PGM5: variants seen among roughly 807,000 people sequenced by gnomAD.
PGM5 encodes the protein phosphoglucomutase 5, also known as phosphoglucomutase-like protein 5.
PGM5 carries 23 observed loss-of-function variants against 59.2 expected under a neutral mutation model. The ratio of observed to expected loss-of-function variants is 0.39; its 90% CI spans 0.28 to 0.55. PGM5 has a LOEUF of 0.55. Among genes scored for constraint, PGM5 ranks in the 20% least tolerant of loss-of-function variants. The pLI, the probability that PGM5 is intolerant of heterozygous loss-of-function variation, is 0.66. For synonymous variants in PGM5, 214 were observed against 286.0 expected (o/e 0.75, Z 2.54); for missense variants, 574 against 748.3 (o/e 0.77, Z 2.72).
chr9:68,410,896 C>T (rs1470356351), intron 6 of PGM5, among the ~76,000 whole-genome samples: 16 of 152,326 alleles, frequency 1.1e-4, no homozygotes, highest in Admixed American at 5.9e-4. Context: ...GTGGGTAATT[C>T]ATTGCCTCAG....
chr9:68,439,949 A>C (rs1266010543), intron 6 of PGM5, among the ~76,000 whole-genome samples: 3 of 152,150 alleles, frequency 2.0e-5, no homozygotes, highest in Non-Finnish European at 2.9e-5. Context: ...AGTATATACA[A>C]AACTTGAGAA....
chr9:68,407,952 C>T (rs1554681286), intron 6 of PGM5, among the ~76,000 whole-genome samples: 2 of 152,168 alleles, frequency 1.3e-5, no homozygotes, highest in Non-Finnish European at 2.9e-5. Flanking sequence ...ACATCTCAAC[C>T]CCAATTTATC....
chr9:68,363,434 T>C (rs1834619286), intron 1 of PGM5, among the ~76,000 whole-genome samples: 2 of 152,408 alleles, frequency 1.3e-5, no homozygotes, highest in African/African-American at 4.8e-5. Flanking sequence ...CAAAGACCTA[T>C]AATTCAGCAT....
intron 6 of PGM5, among the ~76,000 whole-genome samples, chr9:68,461,685 A>G (rs1483016076): frequency 1.3e-5 from 2 of 152,030 alleles, no homozygotes; most frequent in African/African-American, 4.8e-5. Flanking sequence ...CCTTCACCAC[A>G]CCAGATGCTG....
chr9:68,410,580 G>A (rs1587799213), intron 6 of PGM5, among the ~76,000 whole-genome samples: 1 of 151,844 alleles, frequency 6.6e-6, no homozygotes, highest in East Asian at 1.9e-4. Context: ...GGAGGAGGAG[G>A]AGAGGAGGAA....
chr9:68,459,945 A>G (rs1181220430), intron 6 of PGM5, among the ~76,000 whole-genome samples: 5 of 152,226 alleles, frequency 3.3e-5, no homozygotes, highest in African/African-American at 1.2e-4. Flanking sequence ...CGATGCAAAT[A>G]TCTTTTTCTA....
Position 68,479,524 on chromosome 9 carries a change from G to T in PGM5, c.1266G>T (p.Trp422Cys). The stretch of plus-strand genomic sequence containing the variant: ...TGGAGGAAATTGTCCGAGATCACTG[G>T]GCCAAATTTGGCCGCCACTACTATT... ...QSVEEIVRDH[W>C]AKFGRHYYCR... The change falls in exon 8 of 11, where the codon TGG (tryptophan) becomes TGT (cysteine). Residue 422 changes from tryptophan to cysteine, a missense_variant. Coordinates refer to ENST00000396396, the MANE Select transcript of PGM5 (RefSeq NM_021965.4). The T allele has an allele frequency of 6.2e-7, 1 of 1,614,008 alleles. No homozygotes were observed. The highest frequency in any genetic ancestry group is 2.2e-5 in the East Asian group (1 of 44,866).
chr9:68,370,086 T>C (rs782265201), intron 1 of PGM5, among the ~76,000 whole-genome samples: 32 of 151,970 alleles, frequency 2.1e-4, no homozygotes, highest in Middle Eastern at 3.2e-3. Flanking sequence ...TTTGTGTATA[T>C]GGCTTGCCAC....
chr9:68,425,986 G>A (rs1224584360), intron 6 of PGM5, among the ~76,000 whole-genome samples: 1 of 152,156 alleles, frequency 6.6e-6, no homozygotes, highest in East Asian at 1.9e-4. Flanking sequence ...TATAGTGGTA[G>A]TGGTTGTTGA....
At chr9:68,392,916 A>G (rs538152259) in intron 6 of PGM5, among the ~76,000 whole-genome samples, 4 of 152,310 alleles carry the variant, frequency 2.6e-5, no homozygotes, top group South Asian at 2.1e-4. Context: ...GTCAGATTAT[A>G]TTATGTTCAA....
intron 6 of PGM5, among the ~76,000 whole-genome samples, chr9:68,406,659 G>GGT (rs1563996610): frequency 6.5e-5 from 4 of 61,548 alleles, no homozygotes; most frequent in South Asian, 6.2e-4. Context: ...GATTAAATTA[G>GGT]GTATATATAT....
At chr9:68,432,098 T>C (rs1298444478) in intron 6 of PGM5, among the ~76,000 whole-genome samples, 1 of 152,230 alleles carries the variant, frequency 6.6e-6, no homozygotes, top group African/African-American at 2.4e-5. Context: ...CCTCTTCCTA[T>C]ACAGAATCAC....
At chr9:68,471,220 G>A (rs1824014482) in intron 7 of PGM5, among the ~76,000 whole-genome samples, 1 of 152,188 alleles carries the variant, frequency 6.6e-6, no homozygotes, top group African/African-American at 2.4e-5. Flanking sequence ...GGAGTCCTGA[G>A]ACATCATGGC....
chr9:68,385,274 G>T (rs142991376), intron 3 of PGM5, among the ~76,000 whole-genome samples: 3 of 152,050 alleles, frequency 2.0e-5, no homozygotes, highest in Non-Finnish European at 4.4e-5. Context: ...TTCCTAGAAG[G>T]CATAGAATAG....
chr9:68,529,164 C>CGTGTGTGTGTGTGTGTGTGT (rs3223716), intron 10 of PGM5, among the ~76,000 whole-genome samples: 1 of 131,862 alleles, frequency 7.6e-6, no homozygotes, highest in Admixed American at 7.7e-5. Context: ...CTTTTATTCT[C>CGTGTGTGTGTGTGTGTGTGT]GTGTGTGTGT....
chr9:68,439,401 TTATA>T (rs1392053242), intron 6 of PGM5, among the ~76,000 whole-genome samples: 2 of 146,844 alleles, frequency 1.4e-5, no homozygotes, highest in Non-Finnish European at 3.0e-5. Context: ...ATAAGTCTGC[TTATA>T]TATATAAATA....
chr9:68,523,583 G>C (rs1374002642), intron 10 of PGM5, among the ~76,000 whole-genome samples: 1 of 152,194 alleles, frequency 6.6e-6, no homozygotes, highest in African/African-American at 2.4e-5. Flanking sequence ...GTTGATCCTA[G>C]GGATCAGGAG....
chr9:68,402,848 T>C (rs1474053160), intron 6 of PGM5, among the ~76,000 whole-genome samples: 1 of 152,140 alleles, frequency 6.6e-6, no homozygotes, highest in Non-Finnish European at 1.5e-5. Context: ...ATTTTGTAGC[T>C]CTCCCCACCA....
intron 9 of PGM5, among the ~76,000 whole-genome samples, chr9:68,494,640 A>G (rs1554688059): frequency 6.6e-6 from 1 of 152,228 alleles, no homozygotes; most frequent in African/African-American, 2.4e-5. Context: ...GCATTTTGCA[A>G]TTAATGAGCT....
Sources: allele counts gnomAD v4.1 joint callset (sites outside exome capture counted in the v4.1 genomes callset), GRCh38; gene constraint gnomAD v4.1.1; transcripts MANE v1.5; gene names NCBI Gene and HGNC (gene_info 2026-07-23, HGNC 2026-07-21).